Variants in DDHD2 observed in about 807,000 individuals in gnomAD.
DDHD2 encodes DDHD domain containing 2.
Under a neutral mutation model 91.2 loss-of-function variants are expected in DDHD2, and 62 were observed. The observed-to-expected ratio is 0.68, with a 90% CI of 0.55 to 0.84. The LOEUF is 0.84. Ranked by LOEUF, DDHD2 falls within the 40% of genes least tolerant of loss-of-function variation. The probability of loss-of-function intolerance (pLI) is 0.00; values close to 1 mark genes in which losing one functional copy is unlikely to be tolerated. For missense variants in DDHD2, 740 were observed against 846.9 expected, an observed-to-expected ratio of 0.87 and a Z score of 1.57; for synonymous variants, 271 against 293.9, an observed-to-expected ratio of 0.92 and a Z score of 0.80.
At chr8:38,234,664 T>G (rs993936751) in intron 3 of DDHD2, 80 bp downstream of exon 3, 12 of 1,271,720 alleles carry the variant, frequency 9.4e-6, no homozygotes, top group Non-Finnish European at 2.2e-6. Flanking sequence ...ATTTATTTTG[T>G]GAAATTTCCA....
intron 16 of DDHD2, among the ~76,000 whole-genome samples, chr8:38,254,746 G>A (rs900807159): frequency 2.0e-5 from 3 of 151,980 alleles, no homozygotes; most frequent in African/African-American, 7.3e-5. Flanking sequence ...ATTCAGGCCG[G>A]GTATGGTGGC....
intron 11 of DDHD2, 164 bp downstream of exon 11, chr8:38,249,967 A>G (rs1321047511): frequency 9.6e-6 from 4 of 418,152 alleles, no homozygotes; most frequent in African/African-American, 2.0e-5. Flanking sequence ...CTCAGGCTGG[A>G]GTGCAGTGGT....
intron 14 of DDHD2, 41 bp downstream of exon 14, chr8:38,252,865 GC>G: frequency 6.2e-7 from 1 of 1,608,146 alleles, no homozygotes; most frequent in Non-Finnish European, 8.5e-7. Flanking sequence ...AGACCTTTTG[GC>G]CAGTGCAAAG....
intron 7 of DDHD2, among the ~76,000 whole-genome samples, chr8:38,243,494 A>G (rs1047117611): frequency 6.6e-6 from 1 of 152,152 alleles, no homozygotes; most frequent in African/African-American, 2.4e-5. Flanking sequence ...CAGAAGTAGT[A>G]TATATGATGA....
intron 2 of DDHD2, among the ~76,000 whole-genome samples, chr8:38,233,725 T>C (rs1365975333): frequency 6.6e-6 from 1 of 151,976 alleles, no homozygotes; most frequent in Non-Finnish European, 1.5e-5. Context: ...GGTCAGAGTT[T>C]GAGATTAGCC....
intron 16 of DDHD2, among the ~76,000 whole-genome samples, chr8:38,259,762 TG>T (rs1806828356): frequency 6.6e-6 from 1 of 152,160 alleles, no homozygotes; most frequent in East Asian, 1.9e-4. Flanking sequence ...TGTAGTGACT[TG>T]TCCACCTCAG....
intron 2 of DDHD2, 143 bp from the exon 3 acceptor site, chr8:38,234,251 A>G: frequency 2.0e-6 from 1 of 504,580 alleles, no homozygotes. Flanking sequence ...TATGAATTAA[A>G]TTCCATTTTG....
chr8:38,237,873 T>C (rs1463498436), intron 4 of DDHD2, among the ~76,000 whole-genome samples: 2 of 152,224 alleles, frequency 1.3e-5, no homozygotes, highest in African/African-American at 4.8e-5. Flanking sequence ...ACATATTATG[T>C]GAGCATGTCT....
chr8:38,268,402 T>C (rs1808056714), intron 1 of DDHD2: 1 of 1,574,526 alleles, frequency 6.4e-7, no homozygotes, highest in Non-Finnish European at 8.6e-7. Context: ...CTCTTGTGTC[T>C]GCCTTCTTGA....
In DDHD2 at chr8:38,262,775, T is replaced by C. The variant is rs1167385232; in HGVS notation, c.*2202T>C. On this transcript the variant is annotated 3_prime_UTR_variant, in exon 18 of 18. Transcript: ENST00000397166. ...AATACTAACATGAAACCATATTGAC[T>C]AGTGGCCTACTTTTACCTGGACTCA... is the stretch of plus-strand genomic sequence containing the variant. The C allele has an allele frequency of 6.6e-6, 1 of 152,200 alleles. No individual in the cohort carries two copies. Among genetic ancestry groups the C allele is most frequent in the Non-Finnish European group, 1.5e-5 (1 of 68,020 alleles). 9.4% of individuals were successfully genotyped at this position (152,200 alleles called of 1,614,324 possible).
intron 1 of DDHD2, chr8:38,267,892 C>G: frequency 6.2e-7 from 1 of 1,613,972 alleles, no homozygotes; most frequent in Non-Finnish European, 8.5e-7. Flanking sequence ...GCTGTTGTCA[C>G]TTACCTCCCT....
In DDHD2 at chr8:38,242,392, A is replaced by G; in HGVS notation, c.848+7A>G. ...ATTCTACTGGTGTGGATGTGTGAGT[A>G]ATACTTAATACCTTCGAGTTGTTAG... On this transcript the variant is annotated splice_region_variant and intron_variant, in intron 7 of 17. Transcript: ENST00000397166. The G allele has an allele frequency of 6.2e-7, 1 of 1,606,854 alleles. No individual in the cohort carries two copies. The highest frequency in any genetic ancestry group is 8.5e-7 in the Non-Finnish European group (1 of 1,178,170).
In DDHD2 at chr8:38,238,221, C is replaced by A; in HGVS notation, c.622+12C>A. On this transcript the variant is annotated intron_variant, in intron 5 of 17. Coordinates refer to ENST00000397166, the MANE Select transcript of DDHD2 (RefSeq NM_015214.3). ...TGACATTCATTGTGGTAATGTTAAT[C>A]GTTTATTTTTTCTTACCTTTGGATG... 6.2e-7 allele frequency: 1 copy of A among 1,612,956 alleles called. No individual in the cohort carries two copies. Among genetic ancestry groups the A allele is most frequent in the Non-Finnish European group, 8.5e-7 (1 of 1,179,320 alleles).
At position 38,269,379 on chromosome 8, in the gene DDHD2, C is replaced by T. The variant is rs1188027701; in HGVS notation, n.88-1743C>T. ...CAAAGGGTACGCAAAGCCAGCGGAG[C>T]TGCCCTCTGGTGCGTTCAGCAGGGA... On this transcript the variant is annotated intron_variant and non_coding_transcript_variant, in intron 1 of 1. Transcript: ENST00000526071. The T allele has an allele frequency of 6.3e-6, 4 of 637,102 alleles. No homozygotes were observed. The African/African-American group carries it at 7.8e-5, about 12-fold the overall frequency. The allele number at this position is 637,102 out of a possible 1,614,324, so 39.5% of individuals were successfully genotyped here. A position where few individuals can be genotyped will look rare whatever the true frequency, so the allele number is the denominator to read the frequency against.
Position 38,245,851 on chromosome 8 carries a change from G to T in DDHD2, c.958G>T (p.Val320Leu). ...YNSPTYCQTI[V>L]DTVASEMNRI... ...TAGTCCCACCTACTGTCAGACTATTGTGGACACAGTTGCTTCTGAAATGAA... is the reference window on the plus strand; with the variant it reads ...TAGTCCCACCTACTGTCAGACTATTTTGGACACAGTTGCTTCTGAAATGAA... Residue 320 changes from valine (V) to leucine (L), a missense_variant, in exon 8 of 18, where the codon GTG (valine) becomes TTG (leucine). By Grantham distance (32) the Val-to-Leu change is conservative. This residue lies in a region of DDHD2 where 693 missense variants were observed against 764.2 expected (regional missense o/e 0.91). Coordinates refer to ENST00000397166, the MANE Select transcript of DDHD2 (RefSeq NM_015214.3). 1 of 1,614,140 alleles carries T rather than the reference G, an allele frequency of 6.2e-7. No individual in the cohort carries two copies. Among genetic ancestry groups the T allele is most frequent in the Non-Finnish European group, 8.5e-7 (1 of 1,180,024 alleles).
At chr8:38,245,595 T>C (rs1805570095) in intron 7 of DDHD2, 147 bp from the exon 8 acceptor site, 2 of 724,072 alleles carry the variant, frequency 2.8e-6, no homozygotes, top group Non-Finnish European at 4.6e-6. Context: ...TCTGGCTTCA[T>C]TACACATGTT....
chr8:38,253,162 A>G, intron 15 of DDHD2, 35 bp downstream of exon 15: 2 of 1,567,672 alleles, frequency 1.3e-6, no homozygotes, highest in Non-Finnish European at 8.7e-7. Context: ...CAGCTGCCAG[A>G]TAAGAGGGAT....
chr8:38,262,941 G>C (rs1305270446), downstream of DDHD2: 1 of 152,150 alleles, frequency 6.6e-6, no homozygotes, highest in Non-Finnish European at 1.5e-5. Flanking sequence ...GTCATAGGCA[G>C]AATTTAAGTT....
chr8:38,249,317 T>C (rs1805918658), intron 10 of DDHD2, among the ~76,000 whole-genome samples: 1 of 151,860 alleles, frequency 6.6e-6, no homozygotes, highest in South Asian at 2.1e-4. Flanking sequence ...GGTTTCACCA[T>C]GGTCTCCATC....
Sources: gnomAD v4.1 joint callset for allele counts (sites outside exome capture counted in the v4.1 genomes callset) on GRCh38, gnomAD v4.1.1 for gene constraint, gnomAD v4.1.1 regional missense constraint, MANE v1.5 for transcripts, NCBI Gene and HGNC (gene_info 2026-07-23, HGNC 2026-07-21) for gene names.